ABCC8: variants seen among roughly 807,000 people sequenced by gnomAD.
ABCC8 encodes the protein ATP binding cassette subfamily C member 8, also known as ATP-binding cassette sub-family C member 8.
A neutral mutation model predicts 188.0 loss-of-function variants in ABCC8; 137 were observed. The ratio of observed to expected loss-of-function variants is 0.73; its 90% confidence interval spans 0.63 to 0.84. The LOEUF is 0.84. Among genes scored for constraint, ABCC8 ranks in the 40% least tolerant of loss-of-function variants. ABCC8 has a pLI of 0.00. For missense variants in ABCC8, 1,750 were observed against 2,072.7 expected, an observed-to-expected ratio of 0.84 and a Z score of 3.02; for synonymous variants, 797 against 846.5, an observed-to-expected ratio of 0.94 and a Z score of 1.01.
At chr11:17,466,199 G>A (rs1848134678) in intron 3 of ABCC8, among the ~76,000 whole-genome samples, 1 of 152,096 alleles carries the variant, frequency 6.6e-6, no homozygotes, top group Non-Finnish European at 1.5e-5. Flanking sequence ...AGGAGTTTGA[G>A]ACCAGCCTAG....
chr11:17,427,194 G>T lies in ABCC8; in HGVS notation c.2117-40C>A. On this transcript the variant is annotated intron_variant, in intron 15 of 38. Coordinates refer to ENST00000389817, the MANE Select transcript of ABCC8 (RefSeq NM_000352.6). This position sits in a 1 kb window ranked among gnomAD's most constrained non-coding sequence, Gnocchi z 5.0. ...GGTGGCAGATGTGAGTGGGGCCGGG[G>T]GAGTCTGAACAACCATTACCCAGAA... 1 of 1,580,316 alleles carries T rather than the reference G, an allele frequency of 6.3e-7. No individual in the cohort carries two copies. Among genetic ancestry groups the T allele is most frequent in the Non-Finnish European group, 8.6e-7 (1 of 1,162,634 alleles).
chr11:17,398,363 G>A lies in ABCC8; in HGVS notation c.3729C>T (p.Ala1243=), dbSNP rs753473058. The A allele has an allele frequency of 1.2e-6, 2 of 1,614,170 alleles. No individual in the cohort carries two copies. Among genetic ancestry groups the A allele is most frequent in the Admixed American group, 3.3e-5 (2 of 60,026 alleles). ...CCATTCGGACTTCCAGCCATCTGTTGGCAGCTGTGAGGAAGAGGGAAGCAA... is the reference window on the plus strand; with the variant it reads ...CCATTCGGACTTCCAGCCATCTGTTAGCAGCTGTGAGGAAGAGGGAAGCAA... ...NNIASLFLTA[A]NRWLEVRMEY... is the part of the protein sequence containing the mutation. Residue 1243 remains alanine, a synonymous_variant, in exon 30 of 39, where the codon GCC becomes GCT. Transcript: ENST00000389817.
intron 28 of ABCC8, among the ~76,000 whole-genome samples, chr11:17,403,965 C>T (rs980518090): frequency 7.9e-5 from 12 of 152,028 alleles, no homozygotes; most frequent in African/African-American, 2.7e-4. Flanking sequence ...GAAAGAACTC[C>T]CTAGAGAACA....
chr11:17,464,281 G>A (rs113894770), intron 3 of ABCC8, among the ~76,000 whole-genome samples: 2,691 of 152,308 alleles, frequency 0.018, 64 homozygotes, highest in African/African-American at 0.054. Context: ...TGAAAGCCTG[G>A]ATCCCTGTCC....
At chr11:17,430,715 C>T in intron 12 of ABCC8, 99 bp downstream of exon 12, 2 of 1,390,340 alleles carry the variant, frequency 1.4e-6, no homozygotes, top group Non-Finnish European at 2.0e-6. Flanking sequence ...GGGGTGTGTT[C>T]CGGGACCAAA....
rs761163130 is a variant in ABCC8, at chr11:17,404,423, C to T, written c.3557+89G>A. 5 of 1,338,558 alleles carry T rather than the reference C, an allele frequency of 3.7e-6. No individual in the cohort carries two copies. Among genetic ancestry groups the T allele is most frequent in the Non-Finnish European group, 5.4e-6 (5 of 929,628 alleles). The allele number at this position is 1,338,558 out of a possible 1,614,324, so 82.9% of individuals were successfully genotyped here. On this transcript the variant is annotated intron_variant, in intron 28 of 38. Transcript: ENST00000389817. This position sits in a 1 kb window ranked among gnomAD's most constrained non-coding sequence, Gnocchi z 4.7. ...TTTTTATTTTTTGGAGGGAACACGA[C>T]CCTATTACTCTCATAACGATGAGTC...
intron 3 of ABCC8, among the ~76,000 whole-genome samples, chr11:17,467,042 CCACACACACACACACACACA>C: frequency 7.6e-6 from 1 of 132,388 alleles, no homozygotes; most frequent in Admixed American, 7.6e-5. Flanking sequence ...ACATGTTAAA[CCACACACACACACACACACA>C]CACACACACA....
intron 3 of ABCC8, 78 bp downstream of exon 3, chr11:17,470,023 G>T: frequency 6.5e-7 from 1 of 1,537,964 alleles, no homozygotes; most frequent in South Asian, 1.1e-5. Context: ...GCAATAGCTG[G>T]CACATAATGA....
intron 29 of ABCC8, among the ~76,000 whole-genome samples, chr11:17,400,860 G>A (rs1954205605): frequency 6.6e-6 from 1 of 152,224 alleles, no homozygotes; most frequent in African/African-American, 2.4e-5. Flanking sequence ...CACTTAGCAC[G>A]GTGCCTGGCA....
Position 17,412,757 on chromosome 11 carries a change from AGAG to A in ABCC8, c.2476-14_2476-12del. ...AGACAGGTTGATGCCCTGTCACCAA[AGAG>A]GAGGAACACATCATGCCCTCAGCCA... On this transcript the variant is annotated splice_polypyrimidine_tract_variant and intron_variant, in intron 20 of 38. Transcript: ENST00000389817. 1 of 1,604,582 alleles carries A rather than the reference AGAG, an allele frequency of 6.2e-7. No individual in the cohort carries two copies. The highest frequency in any genetic ancestry group is 1.7e-4 in the Middle Eastern group (1 of 6,056).
chr11:17,446,296 G>T (rs181991254), intron 8 of ABCC8, among the ~76,000 whole-genome samples: 1 of 152,062 alleles, frequency 6.6e-6, no homozygotes, highest in Non-Finnish European at 1.5e-5. Flanking sequence ...TTGTTCAAGG[G>T]GACACAACAG....
intron 16 of ABCC8, among the ~76,000 whole-genome samples, chr11:17,417,434 AT>A (rs11455115): frequency 2.6e-5 from 4 of 152,136 alleles, no homozygotes; most frequent in African/African-American, 9.7e-5. Context: ...ATTTTTCGTG[AT>A]TTTTTCTCTT....
In ABCC8 at chr11:17,453,156, GC is replaced by G. The variant is rs1564964065; in HGVS notation, c.1138del (p.Ala380ProfsTer8). ...TCTCAAGTTAATTCCAGTTTCAATG[GC>G]CACATAGTAGGATGCTTGCAGAAAT... Reference protein sequence around the residue: ...RTFLQASYYVAIETGINLRGA... With the variant: ...RTFLQASYYVXIETGINLRGA... On this transcript the variant is annotated frameshift_variant, in exon 7 of 39. Transcript: ENST00000389817. LOFTEE classifies it high-confidence loss of function. 1.2e-6 allele frequency: 2 copies of G among 1,613,928 alleles called. No individual in the cohort carries two copies. The highest frequency in any genetic ancestry group is 2.2e-5 in the South Asian group (2 of 91,064).
At chr11:17,406,428 C>T (rs1403972608) in intron 26 of ABCC8, 194 bp downstream of exon 26, 4 of 618,962 alleles carry the variant, frequency 6.5e-6, no homozygotes, top group African/African-American at 1.8e-5. Context: ...ATGCCTATCA[C>T]AGTATCTGGC....
chr11:17,428,802 G>A, intron 12 of ABCC8, 132 bp from the exon 13 acceptor site: 9 of 1,501,378 alleles, frequency 6.0e-6, no homozygotes, highest in Non-Finnish European at 8.0e-6. Flanking sequence ...CACACTGAAG[G>A]GGGCAGACCA....
chr11:17,414,879 GT>G (rs1344451579), intron 18 of ABCC8, among the ~76,000 whole-genome samples: 1 of 152,074 alleles, frequency 6.6e-6, no homozygotes, highest in African/African-American at 2.4e-5. Flanking sequence ...TTGTTCCTTA[GT>G]CAGGGAGGAG....
intron 14 of ABCC8, 141 bp from the exon 15 acceptor site, chr11:17,428,083 G>A: frequency 6.3e-7 from 1 of 1,585,480 alleles, no homozygotes; most frequent in Non-Finnish European, 8.6e-7. Flanking sequence ...CAGGGGAGTG[G>A]GAGACTGGCC....
At chr11:17,434,893 C>G (rs1302519177) in intron 10 of ABCC8, among the ~76,000 whole-genome samples, 1 of 152,054 alleles carries the variant, frequency 6.6e-6, no homozygotes, top group African/African-American at 2.4e-5. Flanking sequence ...TTCTTTCACC[C>G]TCCCCTTGAA....
intron 10 of ABCC8, among the ~76,000 whole-genome samples, chr11:17,433,912 A>G (rs1955962080): frequency 6.6e-6 from 1 of 152,278 alleles, no homozygotes; most frequent in African/African-American, 2.4e-5. Context: ...AGGGCCCACT[A>G]CCATGCCACA....
Sources: gnomAD v4.1 joint callset for allele counts (sites outside exome capture counted in the v4.1 genomes callset) on GRCh38, gnomAD v4.1.1 for gene constraint, Gnocchi (gnomAD v3.1) non-coding constraint, MANE v1.5 for transcripts, NCBI Gene and HGNC (gene_info 2026-07-23, HGNC 2026-07-21) for gene names.